The following ACAD11 variants were observed in gnomAD, a reference collection of about 807,000 sequenced individuals.
ACAD11 encodes acyl-CoA dehydrogenase family member 11.
Under a neutral mutation model 102.2 loss-of-function variants are expected in ACAD11, and 83 were observed. The observed-to-expected ratio is 0.81, with a 90% CI of 0.68 to 0.97. The LOEUF is 0.97. ACAD11 is among the 50% of genes least tolerant of loss of function. The pLI is 0.00. For synonymous variants in ACAD11, 324 were observed against 319.8 expected (o/e 1.01, Z -0.14); for missense variants, 901 against 951.7 (o/e 0.95, Z 0.70).
Position 132,639,148 on chromosome 3 carries a change from T to C in ACAD11, c.702+344A>G, listed in dbSNP as rs75837214. On this transcript the variant is annotated intron_variant, in intron 5 of 19. Transcript: ENST00000264990. ...GCTAAAAACCCCAAAGAAGTATAAATGAACCAGAAAAAACAGCAAGAACAT... is the reference window on the plus strand; with the variant it reads ...GCTAAAAACCCCAAAGAAGTATAAACGAACCAGAAAAAACAGCAAGAACAT... 1.4e-3 allele frequency among the ~76,000 whole-genome samples: 206 copies of C among 152,246 alleles called. 3 individuals are homozygous for C. In the East Asian group the frequency reaches 0.034, roughly 25 times the overall value.
At chr3:132,575,203 A>G (rs892409179) in intron 17 of ACAD11, among the ~76,000 whole-genome samples, 1 of 152,152 alleles carries the variant, frequency 6.6e-6, no homozygotes, top group African/African-American at 2.4e-5. Flanking sequence ...AGTGATTTGT[A>G]ACAACAGACT....
intron 13 of ACAD11, among the ~76,000 whole-genome samples, chr3:132,596,144 G>C (rs1938297528): frequency 6.6e-6 from 1 of 152,170 alleles, no homozygotes; most frequent in Admixed American, 6.6e-5. Flanking sequence ...CGTGGATGGA[G>C]CTGGAGACCA....
chr3:132,612,819 G>A (rs1349026253), intron 11 of ACAD11, among the ~76,000 whole-genome samples: 4 of 151,986 alleles, frequency 2.6e-5, no homozygotes, highest in Admixed American at 6.5e-5. Flanking sequence ...TCAGTATGGC[G>A]ATTCCTCAGG....
intron 13 of ACAD11, among the ~76,000 whole-genome samples, chr3:132,598,166 G>C (rs7626622): frequency 0.37 from 56,813 of 151,882 alleles, 13,288 homozygotes; most frequent in East Asian, 0.7. Flanking sequence ...AGGACAAAAA[G>C]AACCCAAGGA....
At chr3:132,604,305 C>T (rs1023249851) in intron 12 of ACAD11, among the ~76,000 whole-genome samples, 38 of 151,990 alleles carry the variant, frequency 2.5e-4, no homozygotes, top group African/African-American at 8.2e-4. Flanking sequence ...CTTACTATGC[C>T]TAATTTAGAG....
At chr3:132,589,301 T>A (rs2107805792) in intron 13 of ACAD11, among the ~76,000 whole-genome samples, 1 of 152,278 alleles carries the variant, frequency 6.6e-6, no homozygotes, top group South Asian at 2.1e-4. Flanking sequence ...CCAAAGAACA[T>A]TAGGATGATT....
chr3:132,577,708 G>C (rs1937542632), intron 15 of ACAD11, among the ~76,000 whole-genome samples: 1 of 152,184 alleles, frequency 6.6e-6, no homozygotes, highest in Non-Finnish European at 1.5e-5. Context: ...TTTCCTGTCA[G>C]AGGAGACAAT....
At chr3:132,608,731 G>A (rs577332994) in intron 11 of ACAD11, among the ~76,000 whole-genome samples, 4 of 152,060 alleles carry the variant, frequency 2.6e-5, no homozygotes, top group Admixed American at 6.6e-5. Context: ...CAGACAGGTC[G>A]ACGAGACAGA....
intron 11 of ACAD11, among the ~76,000 whole-genome samples, chr3:132,610,611 T>G (rs142595114): frequency 0.032 from 4,842 of 152,196 alleles, 138 homozygotes; most frequent in East Asian, 0.12. Flanking sequence ...GCAAATAAAC[T>G]AGAAAATCTA....
chr3:132,657,780 C>A (rs1021681075), intron 1 of ACAD11, among the ~76,000 whole-genome samples: 1 of 150,864 alleles, frequency 6.6e-6, no homozygotes, highest in African/African-American at 2.4e-5. Flanking sequence ...ATTATTGGCT[C>A]TTTAATCCAT....
At chr3:132,599,290 G>A (rs531579741) in intron 13 of ACAD11, among the ~76,000 whole-genome samples, 2 of 152,174 alleles carry the variant, frequency 1.3e-5, no homozygotes, top group South Asian at 4.1e-4. Flanking sequence ...GGTGGATCAC[G>A]AGGTCAGGAG....
intron 13 of ACAD11, among the ~76,000 whole-genome samples, chr3:132,584,077 G>A (rs980207092): frequency 5.9e-5 from 9 of 152,122 alleles, no homozygotes; most frequent in African/African-American, 1.4e-4. Flanking sequence ...TACTAGGTCC[G>A]CTTGGTGCAG....
At chr3:132,611,122 C>T (rs1450441470) in intron 11 of ACAD11, among the ~76,000 whole-genome samples, 1 of 152,052 alleles carries the variant, frequency 6.6e-6, no homozygotes, top group African/African-American at 2.4e-5. Flanking sequence ...AAAACAAAAA[C>T]CACATTATTA....
At position 132,579,554 on chromosome 3, in the gene ACAD11, A is replaced by G. The variant is rs376416430; in HGVS notation, c.1626T>C (p.Ala542=). The change falls in exon 14 of 20, where the codon GCT becomes GCC. Residue 542 remains alanine (A), a synonymous_variant. Coordinates refer to ENST00000264990, the MANE Select transcript of ACAD11 (RefSeq NM_032169.5). The part of the protein sequence containing the change: ...INGKKWWSSG[A]GNPKCKIAIV... ...TTGCAATTTTGCACTTGGGATTCCC[A>G]GCTCCTAAAACCAAGGGGAACACAA... The G allele has an allele frequency of 1.9e-6, 3 of 1,612,846 alleles. No individual in the cohort carries two copies. In the African/African-American group the frequency reaches 4.0e-5, roughly 22 times the overall value.
rs529954770 is a variant in ACAD11 at position 132,633,265 on chromosome 3, TGA to T, written c.703-1788_703-1787del. On this transcript the variant is annotated intron_variant, in intron 5 of 19. Coordinates refer to ENST00000264990, the MANE Select transcript of ACAD11 (RefSeq NM_032169.5). ...TACGTCCCATCGATACCTAATTTAT[TGA>T]GAGTTTTTAGCATGAAGGGTTGTTG... Among the ~76,000 whole-genome samples, 543 of 152,348 alleles carry T rather than the reference TGA, an allele frequency of 3.6e-3. 6 individuals are homozygous for T. The highest frequency in any genetic ancestry group is 0.012 in the African/African-American group (487 of 41,564).
intron 11 of ACAD11, among the ~76,000 whole-genome samples, chr3:132,615,637 G>C (rs770813345): frequency 3.3e-5 from 5 of 152,132 alleles, no homozygotes; most frequent in Non-Finnish European, 5.9e-5. Context: ...GAAAACACAT[G>C]GACACAGGGA....
intron 11 of ACAD11, among the ~76,000 whole-genome samples, chr3:132,607,242 A>G (rs773571164): frequency 3.3e-5 from 5 of 152,224 alleles, no homozygotes; most frequent in Non-Finnish European, 7.3e-5. Context: ...ACCCCTCGCC[A>G]GCAAGGGAAC....
intron 17 of ACAD11, among the ~76,000 whole-genome samples, chr3:132,572,305 A>G (rs969779014): frequency 6.6e-6 from 1 of 152,180 alleles, no homozygotes; most frequent in African/African-American, 2.4e-5. Context: ...TGCCACAAAA[A>G]GAATAAAATA....
intron 13 of ACAD11, among the ~76,000 whole-genome samples, chr3:132,583,299 AT>A (rs1226714544): frequency 1.3e-5 from 2 of 152,134 alleles, no homozygotes; most frequent in African/African-American, 2.4e-5. Context: ...GCGTCGAGGA[AT>A]TTATCTATTT....
Sources: allele counts gnomAD v4.1 joint callset (sites outside exome capture counted in the v4.1 genomes callset), GRCh38; gene constraint gnomAD v4.1.1; transcripts MANE v1.5; gene names NCBI Gene and HGNC (gene_info 2026-07-23, HGNC 2026-07-21).